The following ASPA variants were observed in gnomAD, a reference collection of about 807,000 sequenced individuals.
ASPA encodes the protein aspartoacylase.
In ASPA, 25 loss-of-function variants were observed where a neutral mutation model predicts 29.6. The ratio of observed to expected loss-of-function variants is 0.85; its 90% CI spans 0.62 to 1.18. The LOEUF is 1.18. Among genes scored for constraint, ASPA ranks in the 50% most tolerant of loss-of-function variants. The pLI, the probability that ASPA is intolerant of heterozygous loss-of-function variation, is 0.00. For missense variants in ASPA, 333 were observed against 385.7 expected (o/e 0.86, Z 1.14); for synonymous variants, 131 against 130.3 (o/e 1.01, Z -0.04).
intron 3 of ASPA, among the ~76,000 whole-genome samples, chr17:3,487,855 C>T (rs1451925308): frequency 6.6e-6 from 1 of 152,140 alleles, no homozygotes; most frequent in African/African-American, 2.4e-5. Flanking sequence ...GGTAGGCAAA[C>T]GACAATGTAT....
chr17:3,489,364 G>C, intron 4 of ASPA, 22 bp downstream of exon 4: 1 of 1,547,388 alleles, frequency 6.5e-7, no homozygotes, highest in Non-Finnish European at 8.9e-7. Context: ...TGAAGGTAAC[G>C]TTATCAAACT....
chr17:3,496,762 G>A (rs1378940319), intron 5 of ASPA, among the ~76,000 whole-genome samples: 2 of 152,146 alleles, frequency 1.3e-5, no homozygotes, highest in Non-Finnish European at 2.9e-5. Context: ...ATTATGGGGA[G>A]CTTTTTAAAA....
At chr17:3,489,572 A>G (rs1182751938) in intron 4 of ASPA, among the ~76,000 whole-genome samples, 4 of 152,210 alleles carry the variant, frequency 2.6e-5, no homozygotes, top group African/African-American at 9.7e-5. Flanking sequence ...TAAAAAGAAA[A>G]GACGAGAAAA....
At chr17:3,492,168 C>T (rs909330471) in intron 4 of ASPA, among the ~76,000 whole-genome samples, 4 of 152,144 alleles carry the variant, frequency 2.6e-5, no homozygotes, top group East Asian at 3.9e-4. Context: ...TGCGCCATTG[C>T]GCCTGGCGAG....
rs2073801017 is a variant in ASPA at position 3,490,231 on chromosome 17, T to G, written c.634+889T>G. 6.6e-6 allele frequency among the ~76,000 whole-genome samples: 1 copy of G among 152,178 alleles called. No individual in the cohort carries two copies. The highest frequency in any genetic ancestry group is 2.4e-5 in the African/African-American group (1 of 41,442). On this transcript the variant is annotated intron_variant, in intron 4 of 5. Coordinates refer to ENST00000263080, the MANE Select transcript of ASPA (RefSeq NM_000049.4). The surrounding 1 kb of genome is among the most constrained non-coding windows in gnomAD (Gnocchi z 4.6). Reference sequence around the variant, plus strand: ...ATTATATTCAATAAGAATAATGTATTTATGTATTATTTCTGTAATTAAAAA... The same window carrying G: ...ATTATATTCAATAAGAATAATGTATGTATGTATTATTTCTGTAATTAAAAA...
intron 4 of ASPA, among the ~76,000 whole-genome samples, chr17:3,493,736 G>T (rs2073864233): frequency 6.6e-6 from 1 of 152,034 alleles, no homozygotes; most frequent in African/African-American, 2.4e-5. Flanking sequence ...GCCTCAAGAA[G>T]TTAAGCATCT....
chr17:3,498,870 A>T, intron 5 of ASPA, 21 bp from the exon 6 acceptor site: 1 of 1,510,602 alleles, frequency 6.6e-7, no homozygotes, highest in Non-Finnish European at 8.8e-7. Context: ...TAATATATTT[A>T]TTTTGATTGT....
intron 2 of ASPA, 42 bp from the exon 3 acceptor site, chr17:3,483,457 A>C: frequency 1.3e-6 from 2 of 1,540,168 alleles, no homozygotes; most frequent in South Asian, 2.2e-5. Context: ...AGAACAAAAC[A>C]TACGGTTTTT....
At chr17:3,483,451 C>T (rs746894752) in intron 2 of ASPA, 48 bp from the exon 3 acceptor site, 1 of 1,520,934 alleles carries the variant, frequency 6.6e-7, no homozygotes, top group Non-Finnish European at 9.1e-7. Context: ...GCAAAGAGAA[C>T]AAAACATACG....
Position 3,499,003 on chromosome 17 carries a change from C to A in ASPA, c.857C>A (p.Ala286Asp), listed in dbSNP as rs1414684396. Residue 286 changes from alanine to aspartate, a missense_variant, in exon 6 of 6, where the codon GCC becomes GAC. By Grantham distance (126) the Ala-to-Asp change is moderately radical. Transcript: ENST00000263080. Reference sequence around the variant, plus strand: ...GTGTACCCCGTGTTTGTGAATGAGGCCGCATATTACGAAAAGAAAGAAGCT... The same window carrying A: ...GTGTACCCCGTGTTTGTGAATGAGGACGCATATTACGAAAAGAAAGAAGCT... ...CTVYPVFVNE[A>D]AYYEKKEAFA... 2 of 1,614,024 alleles carry A rather than the reference C, an allele frequency of 1.2e-6. No individual in the cohort carries two copies. Among genetic ancestry groups the A allele is most frequent in the Non-Finnish European group, 1.7e-6 (2 of 1,180,024 alleles).
At chr17:3,483,729 C>A in intron 3 of ASPA, 137 bp downstream of exon 3, 1 of 786,274 alleles carries the variant, frequency 1.3e-6, no homozygotes, top group South Asian at 1.5e-5. Context: ...ATGGTGTGAT[C>A]TCAGCTCACT....
Position 3,499,157 on chromosome 17 carries a change from T to C in ASPA, c.*69T>C. The C allele has an allele frequency of 6.5e-7, 1 of 1,532,772 alleles. No homozygotes were observed. Among genetic ancestry groups the C allele is most frequent in the Non-Finnish European group, 8.9e-7 (1 of 1,125,048 alleles). The allele number at this position is 1,532,772 out of a possible 1,614,324, so 94.9% of individuals were successfully genotyped here. A position where few individuals can be genotyped will look rare whatever the true frequency, so the allele number is the denominator to read the frequency against. On this transcript the variant is annotated 3_prime_UTR_variant, in exon 6 of 6. Transcript: ENST00000263080. The stretch of plus-strand genomic sequence containing the variant: ...TGCTAGTCTGTAAGCTCCTTAAGAG[T>C]AGGGTTGTGCCTTATTCAACTGCAT...
intron 2 of ASPA, among the ~76,000 whole-genome samples, chr17:3,482,086 C>G (rs1346672113): frequency 6.6e-6 from 1 of 152,104 alleles, no homozygotes; most frequent in Admixed American, 6.5e-5. Flanking sequence ...TTTATCCAGA[C>G]AGCCACCAGA....
intron 3 of ASPA, among the ~76,000 whole-genome samples, chr17:3,487,061 T>C (rs1428992149): frequency 7.1e-6 from 1 of 140,594 alleles, no homozygotes; most frequent in Non-Finnish European, 1.5e-5. Context: ...TGTGTGTTTA[T>C]GTGTGTGTGT....
intron 3 of ASPA, 26 bp from the exon 4 acceptor site, chr17:3,489,209 G>A (rs1157407873): frequency 1.9e-5 from 25 of 1,320,666 alleles, no homozygotes; most frequent in Admixed American, 1.0e-4. Flanking sequence ...TTATATAAAT[G>A]TGACTATCTC....
chr17:3,491,691 T>C (rs1030505332), intron 4 of ASPA, among the ~76,000 whole-genome samples: 15 of 151,894 alleles, frequency 9.9e-5, no homozygotes, highest in Non-Finnish European at 2.1e-4. Context: ...GAGATTGCAG[T>C]GAGCCGAGTT....
In ASPA at chr17:3,500,282, T is replaced by C. The variant is rs1427462234; in HGVS notation, c.*1194T>C. On this transcript the variant is annotated 3_prime_UTR_variant, in exon 6 of 6. Transcript: ENST00000263080. The stretch of plus-strand genomic sequence containing the variant: ...TATCCAGAAGATGTAGCTAAAATCA[T>C]TGACAAAGATGGCTACACTAAACAA... 6.6e-6 allele frequency: 1 copy of C among 152,258 alleles called. No homozygotes were observed. The highest frequency in any genetic ancestry group is 1.5e-5 in the Non-Finnish European group (1 of 68,068). The allele number at this position is 152,258 out of a possible 1,614,324, so 9.4% of individuals were successfully genotyped here. A position where few individuals can be genotyped will look rare whatever the true frequency, so the allele number is the denominator to read the frequency against.
At chr17:3,497,241 G>T (rs1193784491) in intron 5 of ASPA, among the ~76,000 whole-genome samples, 1 of 152,154 alleles carries the variant, frequency 6.6e-6, no homozygotes, top group Admixed American at 6.5e-5. Flanking sequence ...GACGTGTGTT[G>T]AAGAGGTTCC....
At position 3,499,180 on chromosome 17, in the gene ASPA, CA is replaced by C; in HGVS notation, c.*93del. 1 of 1,367,332 alleles carries C rather than the reference CA, an allele frequency of 7.3e-7. No individual in the cohort carries two copies. Among genetic ancestry groups the C allele is most frequent in the South Asian group, 1.3e-5 (1 of 79,870 alleles). The allele number at this position is 1,367,332 out of a possible 1,614,324, so 84.7% of individuals were successfully genotyped here. A position where few individuals can be genotyped will look rare whatever the true frequency, so the allele number is the denominator to read the frequency against. On this transcript the variant is annotated 3_prime_UTR_variant, in exon 6 of 6. Coordinates refer to ENST00000263080, the MANE Select transcript of ASPA (RefSeq NM_000049.4). ...AGTAGGGTTGTGCCTTATTCAACTGCATACATAGCTCCTAGCACAGTGCCTT... is the reference window on the plus strand; with the variant it reads ...AGTAGGGTTGTGCCTTATTCAACTGCTACATAGCTCCTAGCACAGTGCCTT...
Sources: gnomAD v4.1 joint callset for allele counts (sites outside exome capture counted in the v4.1 genomes callset) on GRCh38, gnomAD v4.1.1 for gene constraint, Gnocchi (gnomAD v3.1) non-coding constraint, MANE v1.5 for transcripts, NCBI Gene and HGNC (gene_info 2026-07-23, HGNC 2026-07-21) for gene names.